ADGRL3: variants seen among roughly 807,000 people sequenced by gnomAD.
ADGRL3 encodes adhesion G protein-coupled receptor L3.
ADGRL3 carries 62 observed loss-of-function variants against 153.5 expected under a neutral mutation model. That is an observed-to-expected ratio of 0.40 (90% CI 0.33 to 0.50). The LOEUF (loss-of-function observed/expected upper bound fraction) is 0.50. Ranked by LOEUF, ADGRL3 falls within the 20% of genes least tolerant of loss-of-function variation. The pLI is 0.47. For synonymous variants in ADGRL3, 710 were observed against 672.5 expected (o/e 1.06, Z -0.86); for missense variants, 1,641 against 1,859.4 (o/e 0.88, Z 2.16).
At chr4:61,550,925 A>G (rs935024093) in intron 4 of ADGRL3, among the ~76,000 whole-genome samples, 6 of 152,126 alleles carry the variant, frequency 3.9e-5, no homozygotes. Flanking sequence ...TAATTCCTAC[A>G]TATCTCACTA....
chr4:61,654,285 T>G (rs1222375449), intron 5 of ADGRL3, among the ~76,000 whole-genome samples: 1 of 152,090 alleles, frequency 6.6e-6, no homozygotes. Flanking sequence ...ATTTAAAAAT[T>G]TTTGAATTTT....
intron 4 of ADGRL3, among the ~76,000 whole-genome samples, chr4:61,547,169 C>T: frequency 6.6e-6 from 1 of 152,050 alleles, no homozygotes; most frequent in Non-Finnish European, 1.5e-5. Context: ...TGTATACATA[C>T]ATGTGTCTTT....
At chr4:61,532,555 C>CGCGCGCGTGTGT (rs760218872) in intron 4 of ADGRL3, among the ~76,000 whole-genome samples, 2 of 131,438 alleles carry the variant, frequency 1.5e-5, no homozygotes, top group Admixed American at 7.6e-5. Flanking sequence ...CGCGCGCGCG[C>CGCGCGCGTGTGT]GTGTGTGTGT....
intron 21 of ADGRL3, among the ~76,000 whole-genome samples, chr4:62,028,618 T>C (rs1204874101): frequency 6.6e-6 from 1 of 151,800 alleles, no homozygotes; most frequent in East Asian, 1.9e-4. Flanking sequence ...GATAAAAAAA[T>C]GGAATTTTGA....
chr4:61,610,715 T>C (rs897772549), intron 5 of ADGRL3, among the ~76,000 whole-genome samples: 6 of 152,162 alleles, frequency 3.9e-5, no homozygotes, highest in Admixed American at 3.3e-4. Flanking sequence ...ACATATTATC[T>C]GCTTGTCGGT....
chr4:61,659,599 C>T (rs760916294), intron 5 of ADGRL3, among the ~76,000 whole-genome samples: 9 of 152,000 alleles, frequency 5.9e-5, no homozygotes, highest in Non-Finnish European at 7.4e-5. Context: ...TTTATATTAT[C>T]CCATTATTAC....
intron 9 of ADGRL3, among the ~76,000 whole-genome samples, chr4:61,870,201 A>G (rs897915486): frequency 6.6e-6 from 1 of 152,042 alleles, no homozygotes; most frequent in African/African-American, 2.4e-5. Context: ...TGGCAACTCA[A>G]TGAGGGAAAG....
At position 61,438,486 on chromosome 4, in the gene ADGRL3, A is replaced by G. The variant is rs553768708; in HGVS notation, c.-174+55297A>G. ...ACTTAGTGATAGTACACTAAGTACT[A>G]TCAGAAATGAACTTATTTTATTTTT... On this transcript the variant is annotated intron_variant, in intron 2 of 26. Coordinates refer to ENST00000683033, the MANE Select transcript of ADGRL3 (RefSeq NM_001387552.1). Among the ~76,000 whole-genome samples, 8 of 151,850 alleles carry G rather than the reference A, an allele frequency of 5.3e-5. No homozygotes were observed. In the East Asian group the frequency reaches 1.6e-3, roughly 30 times the overall value.
chr4:61,603,847 A>G (rs1020857120), intron 5 of ADGRL3, among the ~76,000 whole-genome samples: 1 of 152,098 alleles, frequency 6.6e-6, no homozygotes, highest in Non-Finnish European at 1.5e-5. Context: ...CAGCAGCACC[A>G]TATGCATCCA....
chr4:61,571,197 G>A (rs1346692234), intron 4 of ADGRL3, among the ~76,000 whole-genome samples: 1 of 151,988 alleles, frequency 6.6e-6, no homozygotes, highest in Non-Finnish European at 1.5e-5. Flanking sequence ...CTCAAAGGCT[G>A]GGTACAGTGG....
chr4:61,557,985 A>G (rs1024522195), intron 4 of ADGRL3, among the ~76,000 whole-genome samples: 15 of 151,574 alleles, frequency 9.9e-5, no homozygotes, highest in Admixed American at 9.2e-4. Flanking sequence ...AGCAACCTTG[A>G]TATCGGGCTT....
At chr4:61,409,337 C>T (rs1230261583) in intron 2 of ADGRL3, among the ~76,000 whole-genome samples, 2 of 111,782 alleles carry the variant, frequency 1.8e-5, no homozygotes, top group African/African-American at 3.2e-5. Context: ...ATATATTAGA[C>T]ATATATAATA....
At chr4:61,508,150 T>A (rs994962168) in intron 3 of ADGRL3, among the ~76,000 whole-genome samples, 2 of 152,122 alleles carry the variant, frequency 1.3e-5, no homozygotes, top group African/African-American at 4.8e-5. Flanking sequence ...TCTAATAAAT[T>A]TATATCACTA....
intron 2 of ADGRL3, among the ~76,000 whole-genome samples, chr4:61,430,985 A>G (rs1020171460): frequency 6.6e-6 from 1 of 152,232 alleles, no homozygotes; most frequent in Non-Finnish European, 1.5e-5. Flanking sequence ...TGATGTACAA[A>G]TAGTCATTGA....
intron 5 of ADGRL3, among the ~76,000 whole-genome samples, chr4:61,668,085 A>C (rs1311101255): frequency 6.6e-6 from 1 of 152,198 alleles, no homozygotes; most frequent in Non-Finnish European, 1.5e-5. Flanking sequence ...TTCATATATG[A>C]TGAAACTTTA....
At chr4:61,589,810 A>C (rs879638318) in intron 5 of ADGRL3, among the ~76,000 whole-genome samples, 13 of 152,132 alleles carry the variant, frequency 8.5e-5, no homozygotes, top group African/African-American at 2.7e-4. Flanking sequence ...CAAAGGCATA[A>C]ATTAAACTGC....
At chr4:62,061,296 A>C (rs943697203) in intron 25 of ADGRL3, among the ~76,000 whole-genome samples, 1 of 151,792 alleles carries the variant, frequency 6.6e-6, no homozygotes, top group African/African-American at 2.4e-5. Context: ...GTTTTGAGAT[A>C]ATTGTAGATT....
intron 2 of ADGRL3, among the ~76,000 whole-genome samples, chr4:61,490,245 G>GT (rs1419990826): frequency 6.6e-6 from 1 of 151,736 alleles, no homozygotes; most frequent in Non-Finnish European, 1.5e-5. Flanking sequence ...TATCTCCTCG[G>GT]TTTTTTTCAA....
At chr4:61,279,991 A>G (rs1475617317) in intron 1 of ADGRL3, among the ~76,000 whole-genome samples, 1 of 152,126 alleles carries the variant, frequency 6.6e-6, no homozygotes, top group Non-Finnish European at 1.5e-5. Flanking sequence ...ATGTACTCTG[A>G]GAAGTGTTGT....
Sources: gnomAD v4.1 joint callset for allele counts (sites outside exome capture counted in the v4.1 genomes callset) on GRCh38, gnomAD v4.1.1 for gene constraint, MANE v1.5 for transcripts, NCBI Gene and HGNC (gene_info 2026-07-23, HGNC 2026-07-21) for gene names.